The following EHBP1 variants were observed in gnomAD, a reference collection of about 807,000 sequenced individuals.
EHBP1 encodes the protein EH domain-binding protein 1.
Under a neutral mutation model 144.0 loss-of-function variants are expected in EHBP1, and 55 were observed. That is an observed-to-expected ratio of 0.38 (90% CI 0.31 to 0.48). The LOEUF (loss-of-function observed/expected upper bound fraction) is 0.48, where lower values mean the gene tolerates loss of function less well. EHBP1 is among the 20% of genes least tolerant of loss of function. EHBP1 has a pLI of 0.98. For missense variants in EHBP1, 1,200 were observed against 1,364.2 expected, an observed-to-expected ratio of 0.88 and a Z score of 1.90; for synonymous variants, 469 against 472.7, an observed-to-expected ratio of 0.99 and a Z score of 0.10.
At chr2:62,782,550 G>T (rs182958188) in intron 5 of EHBP1, among the ~76,000 whole-genome samples, 17 of 152,238 alleles carry the variant, frequency 1.1e-4, no homozygotes, top group Non-Finnish European at 1.3e-4. Flanking sequence ...CCGTATGGCT[G>T]GGGAGGCCTC....
At chr2:62,843,166 A>G (rs1188769512) in intron 7 of EHBP1, among the ~76,000 whole-genome samples, 2 of 152,194 alleles carry the variant, frequency 1.3e-5, no homozygotes, top group Non-Finnish European at 2.9e-5. Context: ...CTGAAAATAG[A>G]AACTATGTTC....
At chr2:62,811,203 C>T (rs2044975931) in intron 5 of EHBP1, among the ~76,000 whole-genome samples, 1 of 152,178 alleles carries the variant, frequency 6.6e-6, no homozygotes, top group African/African-American at 2.4e-5. Context: ...TTCCATCCGA[C>T]CATCTAAGTT....
At chr2:62,866,618 G>A (rs200958907) in intron 9 of EHBP1, among the ~76,000 whole-genome samples, 1 of 152,132 alleles carries the variant, frequency 6.6e-6, no homozygotes, top group African/African-American at 2.4e-5. Flanking sequence ...ACTGGATGAG[G>A]TTAACCCCTT....
intron 10 of EHBP1, among the ~76,000 whole-genome samples, chr2:62,911,556 G>A (rs2054218373): frequency 6.6e-6 from 1 of 152,100 alleles, no homozygotes; most frequent in Admixed American, 6.6e-5. Flanking sequence ...CTCCCTCCTG[G>A]GTTCAAGTGA....
At chr2:62,676,052 G>A (rs10168771) in intron 1 of EHBP1, among the ~76,000 whole-genome samples, 105,088 of 152,076 alleles carry the variant, frequency 0.69, 36,628 homozygotes, top group African/African-American at 0.78. Flanking sequence ...CACTGCACCC[G>A]ACCTCGTGGT....
intron 7 of EHBP1, among the ~76,000 whole-genome samples, chr2:62,853,151 A>C (rs1462676477): frequency 1.3e-5 from 2 of 152,202 alleles, no homozygotes; most frequent in Non-Finnish European, 2.9e-5. Flanking sequence ...TCATACCTGC[A>C]TTCCTTGGAG....
At chr2:62,719,875 A>G (rs760836420) in intron 2 of EHBP1, among the ~76,000 whole-genome samples, 7 of 152,326 alleles carry the variant, frequency 4.6e-5, no homozygotes, top group Non-Finnish European at 7.3e-5. Flanking sequence ...CCTGGAACCA[A>G]TCCTCCACTG....
Position 62,859,161 on chromosome 2 carries a change from A to T in EHBP1, c.635-8A>T. 6.2e-7 allele frequency: 1 copy of T among 1,607,556 alleles called. No individual in the cohort carries two copies. The highest frequency in any genetic ancestry group is 1.7e-5 in the Admixed American group (1 of 59,608). On this transcript the variant is annotated splice_region_variant and splice_polypyrimidine_tract_variant and intron_variant, in intron 7 of 22. Coordinates refer to ENST00000431489, the MANE Select transcript of EHBP1 (RefSeq NM_001142616.3). ...TAATAGGGAACTAACCCATATGTTT[A>T]TTTTCAGAGCTTATCAACAAACTTA...
chr2:62,685,987 A>C (rs360788), intron 1 of EHBP1, among the ~76,000 whole-genome samples: 23,823 of 152,158 alleles, frequency 0.16, 2,137 homozygotes, highest in Middle Eastern at 0.24. Context: ...AGAGAAAACC[A>C]TTTGTCACTT....
At chr2:62,952,165 C>T (rs1216593479) in intron 13 of EHBP1, among the ~76,000 whole-genome samples, 4 of 152,142 alleles carry the variant, frequency 2.6e-5, no homozygotes, top group East Asian at 3.8e-4. Context: ...TTGGCTTATT[C>T]AGAATTTTTC....
chr2:63,018,863 A>C (rs2060587532), intron 19 of EHBP1, among the ~76,000 whole-genome samples: 1 of 152,244 alleles, frequency 6.6e-6, no homozygotes, highest in Non-Finnish European at 1.5e-5. Context: ...TAACATTTAA[A>C]AAAGTAGAAA....
intron 10 of EHBP1, among the ~76,000 whole-genome samples, chr2:62,892,624 A>G (rs966223321): frequency 6.6e-6 from 1 of 152,092 alleles, no homozygotes; most frequent in Non-Finnish European, 1.5e-5. Context: ...TTTTAATTCT[A>G]CGTAGCAAAA....
At chr2:62,851,007 C>T (rs1389650327) in intron 7 of EHBP1, among the ~76,000 whole-genome samples, 5 of 152,154 alleles carry the variant, frequency 3.3e-5, no homozygotes, top group Non-Finnish European at 5.9e-5. Flanking sequence ...TCATCCAACA[C>T]GCAAACATAG....
chr2:62,942,793 G>T lies in EHBP1; in HGVS notation c.1261G>T (p.Val421Phe), dbSNP rs1324699331. ...GTCTTTGCTTGTATGGTGTAAAGAA[G>T]TTACAAAGAACTACCGAGGAGTAAA... ...SQSLLVWCKE[V>F]TKNYRGVKIT... is the part of the protein sequence containing the mutation. The change falls in exon 11 of 23, where the codon GTT becomes TTT. Residue 421 changes from valine (V) to phenylalanine (F), a missense_variant. Around this residue, in one of 6 missense-constraint regions of EHBP1, gnomAD observed 266 missense variants for 262.4 expected, o/e 1.01. Coordinates refer to ENST00000431489, the MANE Select transcript of EHBP1 (RefSeq NM_001142616.3). 2 of 1,613,722 alleles carry T rather than the reference G, an allele frequency of 1.2e-6. No individual in the cohort carries two copies. Among genetic ancestry groups the T allele is most frequent in the Non-Finnish European group, 1.7e-6 (2 of 1,179,780 alleles).
Position 62,769,817 on chromosome 2 carries a change from G to A in EHBP1, c.259-1522G>A, listed in dbSNP as rs72807575. 3.4e-3 allele frequency among the ~76,000 whole-genome samples: 298 copies of A among 88,168 alleles called. 8 individuals carry two copies. The highest frequency in any genetic ancestry group is 8.2e-3 in the Middle Eastern group (1 of 122). The allele number at this position is 88,168 out of a possible 152,430, so 57.8% of individuals were successfully genotyped here. On this transcript the variant is annotated intron_variant, in intron 4 of 22. Transcript: ENST00000431489. ...TGGTAAAAAAAAAAAAAAAAAAAAA[G>A]CAGGCATGTAGACTAATGGAACAGA... is the stretch of plus-strand genomic sequence containing the variant.
chr2:63,008,122 G>C (rs2060119818), intron 19 of EHBP1, among the ~76,000 whole-genome samples: 1 of 151,590 alleles, frequency 6.6e-6, no homozygotes, highest in Non-Finnish European at 1.5e-5. Flanking sequence ...GTTTTACAAA[G>C]AAATGAAAAT....
At chr2:62,946,288 T>TTTAC (rs1298104758) in intron 12 of EHBP1, among the ~76,000 whole-genome samples, 2 of 152,200 alleles carry the variant, frequency 1.3e-5, no homozygotes, top group African/African-American at 4.8e-5. Context: ...ATACTTTGGA[T>TTTAC]TTACATATTA....
chr2:62,879,715 A>C (rs965460105), intron 10 of EHBP1, among the ~76,000 whole-genome samples: 8 of 152,146 alleles, frequency 5.3e-5, no homozygotes, highest in Non-Finnish European at 1.0e-4. Context: ...GAGATGACAC[A>C]AACAAGTAGA....
chr2:62,917,949 T>G (rs982732900), intron 10 of EHBP1, among the ~76,000 whole-genome samples: 1 of 151,856 alleles, frequency 6.6e-6, no homozygotes, highest in African/African-American at 2.4e-5. Context: ...CAGGCTGGAG[T>G]GCAGTGGCAT....
Sources: allele counts gnomAD v4.1 joint callset (sites outside exome capture counted in the v4.1 genomes callset), GRCh38; gene constraint gnomAD v4.1.1; regional missense constraint gnomAD v4.1.1; transcripts MANE v1.5; gene names NCBI Gene and HGNC (gene_info 2026-07-23, HGNC 2026-07-21).